Variants in AMZ1 observed in about 807,000 individuals in gnomAD.
AMZ1 encodes the protein archaelysin family metallopeptidase 1.
Under a neutral mutation model 29.9 loss-of-function variants are expected in AMZ1, and 39 were observed. The ratio of observed to expected loss-of-function variants is 1.30; its 90% confidence interval spans 1.01 to 1.70. The LOEUF is 1.70. Ranked by LOEUF, AMZ1 falls within the 40% of genes most tolerant of loss-of-function variation. The pLI, the probability that AMZ1 is intolerant of heterozygous loss-of-function variation, is 0.00. For synonymous variants in AMZ1, 458 were observed against 304.0 expected, an observed-to-expected ratio of 1.51 and a Z score of -5.27; for missense variants, 1,041 against 680.6, an observed-to-expected ratio of 1.53 and a Z score of -5.89.
Position 2,713,689 on chromosome 7 carries a change from G to A in AMZ1, c.*811G>A, listed in dbSNP as rs1012799997. 1.3e-5 allele frequency: 2 copies of A among 152,572 alleles called. No individual in the cohort carries two copies. The highest frequency in any genetic ancestry group is 4.8e-5 in the African/African-American group (2 of 41,462). 9.5% of individuals were successfully genotyped at this position (152,572 alleles called of 1,614,324 possible). A position where few individuals can be genotyped will look rare whatever the true frequency, so the allele number is the denominator to read the frequency against. On this transcript the variant is annotated 3_prime_UTR_variant, in exon 7 of 7. Coordinates refer to ENST00000683327, the MANE Select transcript of AMZ1 (RefSeq NM_001384743.1). ...GTGGCGCTAACAGCATCCTGATCCT[G>A]ACGGACTTCACCGGGGCTCTCCAGG...
Position 2,696,184 on chromosome 7 carries a change from C to T in AMZ1, c.-218-4050C>T, listed in dbSNP as rs76325508. On this transcript the variant is annotated intron_variant, in intron 1 of 6. Coordinates refer to ENST00000683327, the MANE Select transcript of AMZ1 (RefSeq NM_001384743.1). ...GTTTTGAAAATGGGGACAAAAACTG[C>T]ACCCACTTTTCTGAGGGTTAAAGCA... Among the ~76,000 whole-genome samples, 653 of 151,888 alleles carry T rather than the reference C, an allele frequency of 4.3e-3. 7 individuals are homozygous for T. Among genetic ancestry groups the T allele is most frequent in the African/African-American group, 0.015 (620 of 41,378 alleles).
intron 1 of AMZ1, among the ~76,000 whole-genome samples, chr7:2,681,821 G>T (rs1040579388): frequency 5.9e-5 from 9 of 152,166 alleles, no homozygotes; most frequent in African/African-American, 2.2e-4. Flanking sequence ...GTGACAGAGA[G>T]AGAGACCAAG....
intron 4 of AMZ1, among the ~76,000 whole-genome samples, chr7:2,745,797 T>G (rs541957872): frequency 6.6e-6 from 1 of 152,086 alleles, no homozygotes; most frequent in Non-Finnish European, 1.5e-5. Context: ...GAGACACACA[T>G]AGGCTCAAAA....
chr7:2,761,394 G>C (rs1007034582), upstream of AMZ1, among the ~76,000 whole-genome samples: 1 of 152,236 alleles, frequency 6.6e-6, no homozygotes, highest in African/African-American at 2.4e-5. Flanking sequence ...AGACATCTGT[G>C]CCACACAGAC....
intron 4 of AMZ1, among the ~76,000 whole-genome samples, chr7:2,734,482 A>G (rs1790057569): frequency 6.6e-6 from 1 of 152,160 alleles, no homozygotes. Flanking sequence ...GGTCATACAC[A>G]TGTGGCGAGC....
chr7:2,741,793 A>G (rs531963768), intron 4 of AMZ1, among the ~76,000 whole-genome samples: 2 of 151,586 alleles, frequency 1.3e-5, no homozygotes, highest in East Asian at 1.9e-4. Context: ...CTGCTTCTAC[A>G]ACCACGGCAA....
chr7:2,758,279 CTT>C (rs1791395359), intron 4 of AMZ1, among the ~76,000 whole-genome samples: 1 of 152,204 alleles, frequency 6.6e-6, no homozygotes, highest in Non-Finnish European at 1.5e-5. Context: ...AATCCTAGCA[CTT>C]TAAGAAAACA....
chr7:2,719,476 C>A lies in AMZ1; in HGVS notation c.*6598C>A, dbSNP rs1789326065. ...CCTCTCCCAACGGGAACGACTTAGC[C>A]CTAATTACATGAGCTTTGATCACCG... On this transcript the variant is annotated 3_prime_UTR_variant, in exon 7 of 7. Transcript: ENST00000683327. Among the ~76,000 whole-genome samples, 1 of 152,188 alleles carries A rather than the reference C, an allele frequency of 6.6e-6. No homozygotes were observed. The highest frequency in any genetic ancestry group is 1.5e-5 in the Non-Finnish European group (1 of 68,046).
downstream of AMZ1, among the ~76,000 whole-genome samples, chr7:2,722,555 G>A (rs1013738939): frequency 6.6e-6 from 1 of 152,222 alleles, no homozygotes; most frequent in Admixed American, 6.5e-5. Context: ...ACAGGCGTGA[G>A]CCACCGTGCC....
At position 2,700,598 on chromosome 7, in the gene AMZ1, C is replaced by A. The variant is rs775105316; in HGVS notation, c.147C>A (p.Asn49Lys). 1.2e-6 allele frequency: 2 copies of A among 1,610,580 alleles called. No individual in the cohort carries two copies. The highest frequency in any genetic ancestry group is 1.7e-6 in the Non-Finnish European group (2 of 1,179,980). ...AERLFLAEAYNPQRTLFCTLL... is the reference protein window; with the variant it reads ...AERLFLAEAYKPQRTLFCTLL... The stretch of plus-strand genomic sequence containing the variant: ...GGCTCTTCCTGGCCGAGGCCTACAA[C>A]CCGCAGAGGACGCTCTTCTGCACCC... Residue 49 changes from asparagine to lysine, a missense_variant, in exon 2 of 7, where the codon AAC becomes AAA. Transcript: ENST00000683327.
At chr7:2,724,749 G>C (rs1161334875) in intron 4 of AMZ1, among the ~76,000 whole-genome samples, 1 of 152,228 alleles carries the variant, frequency 6.6e-6, no homozygotes, top group Non-Finnish European at 1.5e-5. Flanking sequence ...CTACTACTGT[G>C]AAGTCAGCCA....
chr7:2,691,429 C>T (rs1476564689), intron 1 of AMZ1, among the ~76,000 whole-genome samples: 1 of 148,494 alleles, frequency 6.7e-6, no homozygotes, highest in Non-Finnish European at 1.5e-5. Flanking sequence ...CTTTGGAGGT[C>T]GGACAAGGTG....
Position 2,681,253 on chromosome 7 carries a change from C to A in AMZ1, c.-219+1582C>A, listed in dbSNP as rs141646012. On this transcript the variant is annotated intron_variant, in intron 1 of 6. Coordinates refer to the AMZ1 transcript ENST00000312371. ...TCATTATTATTTTTTGAGACGGGGT[C>A]TCACTCTTGCCCAGGCTGGAGTGCA... Among the ~76,000 whole-genome samples, 406 of 152,256 alleles carry A rather than the reference C, an allele frequency of 2.7e-3. 3 individuals are homozygous for A. Among genetic ancestry groups the A allele is most frequent in the African/African-American group, 9.5e-3 (395 of 41,534 alleles).
At chr7:2,721,805 C>T (rs548205982), downstream of AMZ1, among the ~76,000 whole-genome samples, 16 of 151,598 alleles carry the variant, frequency 1.1e-4, no homozygotes, top group Admixed American at 3.3e-4. Flanking sequence ...GGACATAACA[C>T]GCCAGGAAAA....
intron 3 of AMZ1, among the ~76,000 whole-genome samples, chr7:2,707,554 G>A (rs759570985): frequency 1.3e-5 from 2 of 151,978 alleles, no homozygotes; most frequent in South Asian, 2.1e-4. Flanking sequence ...CTCATGCTCC[G>A]GGGAACCATG....
rs149501516 is a variant in AMZ1 at position 2,712,442 on chromosome 7, G to T, written c.1061G>T (p.Cys354Phe). The stretch of plus-strand genomic sequence containing the variant: ...GCCAGCGCCGACTCGGGCATGTGCT[G>T]TGAGAGTGACTCGGAGCCCGGCACC... ...PPASADSGMCCESDSEPGTSV... is the reference protein window; with the variant it reads ...PPASADSGMCFESDSEPGTSV... Residue 354 changes from cysteine to phenylalanine, a missense_variant, in exon 7 of 7, where the codon TGT becomes TTT. Physicochemically the swap from Cys to Phe is radical, Grantham distance 205. Coordinates refer to ENST00000683327, the MANE Select transcript of AMZ1 (RefSeq NM_001384743.1). 5.6e-6 allele frequency: 9 copies of T among 1,611,744 alleles called. No homozygotes were observed. Among genetic ancestry groups the T allele is most frequent in the Non-Finnish European group, 7.6e-6 (9 of 1,179,742 alleles).
At position 2,716,441 on chromosome 7, in the gene AMZ1, G is replaced by A. The variant is rs1403504489; in HGVS notation, c.*3563G>A. 6.6e-6 allele frequency: 1 copy of A among 152,234 alleles called. No homozygotes were observed. The highest frequency in any genetic ancestry group is 1.5e-5 in the Non-Finnish European group (1 of 68,080). 9.4% of individuals were successfully genotyped at this position (152,234 alleles called of 1,614,324 possible). A position where few individuals can be genotyped will look rare whatever the true frequency, so the allele number is the denominator to read the frequency against. ...CGTTTCCAGAGCATGGGTGAGGAGG[G>A]AGGGATGCCGACCTGTTAATATTTG... On this transcript the variant is annotated 3_prime_UTR_variant, in exon 7 of 7. Transcript: ENST00000683327.
chr7:2,745,179 A>T (rs555170637), intron 4 of AMZ1, among the ~76,000 whole-genome samples: 1 of 152,308 alleles, frequency 6.6e-6, no homozygotes, highest in South Asian at 2.1e-4. Flanking sequence ...CACCACAAAG[A>T]TACTCCTTGA....
intron 4 of AMZ1, among the ~76,000 whole-genome samples, chr7:2,734,073 G>A (rs1466799024): frequency 6.6e-6 from 1 of 152,212 alleles, no homozygotes; most frequent in African/African-American, 2.4e-5. Context: ...CATTTGGATT[G>A]TTGTGGTGGA....
Sources: allele counts gnomAD v4.1 joint callset (sites outside exome capture counted in the v4.1 genomes callset), GRCh38; gene constraint gnomAD v4.1.1; transcripts MANE v1.5; gene names NCBI Gene and HGNC (gene_info 2026-07-23, HGNC 2026-07-21).